Variants in AKAP12 observed in about 807,000 individuals in gnomAD.
The protein encoded by AKAP12 is A-kinase anchoring protein 12.
Under a neutral mutation model 79.9 loss-of-function variants are expected in AKAP12, and 32 were observed. The observed-to-expected ratio is 0.40, with a 90% CI of 0.30 to 0.54. AKAP12 has a LOEUF of 0.54. Ranked by LOEUF, AKAP12 falls within the 20% of genes least tolerant of loss-of-function variation. The pLI is 0.48. For missense variants in AKAP12, 2,074 were observed against 2,177.0 expected, an observed-to-expected ratio of 0.95 and a Z score of 0.94; for synonymous variants, 808 against 857.0, an observed-to-expected ratio of 0.94 and a Z score of 1.00.
intron 3 of AKAP12, among the ~76,000 whole-genome samples, chr6:151,327,568 TATTCA>T (rs1777562329): frequency 6.6e-6 from 1 of 152,224 alleles, no homozygotes; most frequent in African/African-American, 2.4e-5. Context: ...TTATATTCAC[TATTCA>T]ATTAGTCGCA....
At chr6:151,272,001 T>G (rs1296461520) in intron 2 of AKAP12, among the ~76,000 whole-genome samples, 2 of 152,126 alleles carry the variant, frequency 1.3e-5, no homozygotes, top group East Asian at 3.9e-4. Flanking sequence ...GAGTTCGTAT[T>G]CAAACTTCCT....
intron 3 of AKAP12, among the ~76,000 whole-genome samples, chr6:151,318,627 T>C (rs1261362328): frequency 1.3e-5 from 2 of 152,096 alleles, no homozygotes; most frequent in African/African-American, 4.8e-5. Context: ...TTCTTTGAGC[T>C]CTTTCGGTCT....
intron 2 of AKAP12, among the ~76,000 whole-genome samples, chr6:151,280,793 A>G (rs1250780469): frequency 2.0e-5 from 3 of 151,928 alleles, no homozygotes; most frequent in Non-Finnish European, 4.4e-5. Context: ...GTTGTAGGCC[A>G]TCACGCCCAG....
chr6:151,322,345 G>A (rs1042423252), intron 3 of AKAP12, among the ~76,000 whole-genome samples: 3 of 152,070 alleles, frequency 2.0e-5, no homozygotes, highest in African/African-American at 7.2e-5. Context: ...TTAGAGAAAT[G>A]GCTACTCAGA....
chr6:151,271,324 AC>A (rs1776177031), intron 2 of AKAP12, among the ~76,000 whole-genome samples: 1 of 138,646 alleles, frequency 7.2e-6, no homozygotes. Flanking sequence ...CAACGAAGAA[AC>A]TTTTTTTTTT....
In AKAP12 at chr6:151,358,428, A is replaced by G. The variant is rs1268238260; in HGVS notation, c.*2714A>G. On this transcript the variant is annotated 3_prime_UTR_variant, in exon 5 of 5. Transcript: ENST00000402676. ...TCAAGGGCTGGAAATTTTAGTTTTC[A>G]ATATAAGCTTCCAGCTTAGCAATTA... 1 of 152,242 alleles carries G rather than the reference A, an allele frequency of 6.6e-6. No homozygotes were observed. The highest frequency in any genetic ancestry group is 1.5e-5 in the Non-Finnish European group (1 of 68,040). 9.4% of individuals were successfully genotyped at this position (152,242 alleles called of 1,614,324 possible).
At position 151,349,580 on chromosome 6, in the gene AKAP12, G is replaced by A; in HGVS notation, c.1189G>A (p.Ala397Thr). ...GCAGGGACCTTCTGAAGAGAAACCT[G>A]CTCCGTTGGCGACAGAAGTGTTTGA... ...GSQGPSEEKP[A>T]PLATEVFDEK... Residue 397 changes from alanine (A) to threonine (T), a missense_variant, in exon 4 of 5, where the codon GCT becomes ACT. Around this residue, in one of 3 missense-constraint regions of AKAP12, gnomAD observed 1,428 missense variants for 1,451.0 expected, o/e 0.98. Coordinates refer to ENST00000402676, the MANE Select transcript of AKAP12 (RefSeq NM_005100.4). 6.2e-7 allele frequency: 1 copy of A among 1,610,974 alleles called. No homozygotes were observed. The highest frequency in any genetic ancestry group is 2.2e-5 in the East Asian group (1 of 44,844).
rs550861405 is a variant in AKAP12, at chr6:151,351,633, C to A, written c.3242C>A (p.Ala1081Asp). Reference sequence around the variant, plus strand: ...GAGGCAGAAAGACCAGAAGAGCAGGCTGAAGCGTCGGGTCTGAAGAAAGAG... The same window carrying A: ...GAGGCAGAAAGACCAGAAGAGCAGGATGAAGCGTCGGGTCTGAAGAAAGAG... ...RAEAERPEEQAEASGLKKETD... is the reference protein window; with the variant it reads ...RAEAERPEEQDEASGLKKETD... Residue 1081 changes from alanine (A) to aspartate (D), a missense_variant, in exon 4 of 5, where the codon GCT (alanine) becomes GAT (aspartate). Transcript: ENST00000402676. This position sits in a 1 kb window ranked among gnomAD's most constrained non-coding sequence, Gnocchi z 4.4. The A allele has an allele frequency of 8.7e-5, 140 of 1,614,144 alleles. 1 individual carries two copies. In the South Asian group the frequency reaches 1.4e-3, roughly 16 times the overall value.
intron 2 of AKAP12, among the ~76,000 whole-genome samples, chr6:151,262,744 T>C (rs1482558011): frequency 3.3e-5 from 5 of 152,134 alleles, no homozygotes; most frequent in Non-Finnish European, 7.4e-5. Context: ...AAGAAGAAAA[T>C]TCCTAAAGCT....
At chr6:151,318,635 T>C (rs1777290019) in intron 3 of AKAP12, among the ~76,000 whole-genome samples, 1 of 152,154 alleles carries the variant, frequency 6.6e-6, no homozygotes. Flanking sequence ...GCTCTTTCGG[T>C]CTAGAAACTC....
rs71922297 is a variant in AKAP12 at position 151,327,118 on chromosome 6, A to ATTTT, written c.319+21228_319+21231dup. On this transcript the variant is annotated intron_variant, in intron 3 of 4. Transcript: ENST00000402676. ...ACGTGAGCCACCGCACCTGGCCTACATTTTTTTTTTTTTTTTAATCAACTG... is the reference window on the plus strand; with the variant it reads ...ACGTGAGCCACCGCACCTGGCCTACATTTTTTTTTTTTTTTTTTTTAATCAACTG... Among the ~76,000 whole-genome samples, 1,287 of 141,032 alleles carry ATTTT rather than the reference A, an allele frequency of 9.1e-3. 12 individuals are homozygous for ATTTT. Among genetic ancestry groups the ATTTT allele is most frequent in the African/African-American group, 0.018 (686 of 38,682 alleles). 92.5% of individuals were successfully genotyped at this position (141,032 alleles called of 152,430 possible).
rs1001332712 is a variant in AKAP12, at chr6:151,351,525, C to T, written c.3134C>T (p.Ala1045Val). The change falls in exon 4 of 5, where the codon GCA becomes GTA. Residue 1045 changes from alanine (A) to valine (V), a missense_variant. By Grantham distance (64) the Ala-to-Val change is moderately conservative. Transcript: ENST00000402676. This position sits in a 1 kb window ranked among gnomAD's most constrained non-coding sequence, Gnocchi z 4.4. Reference protein sequence around the residue: ...QERRTQEVLQAVAEKVKEESQ... With the variant: ...QERRTQEVLQVVAEKVKEESQ... ...AGGCGGACTCAAGAGGTCCTCCAGGCAGTGGCAGAAAAAGTGAAAGAGGAA... is the reference window on the plus strand; with the variant it reads ...AGGCGGACTCAAGAGGTCCTCCAGGTAGTGGCAGAAAAAGTGAAAGAGGAA... The T allele has an allele frequency of 1.2e-6, 2 of 1,614,106 alleles. No homozygotes were observed. Among genetic ancestry groups the T allele is most frequent in the Admixed American group, 3.3e-5 (2 of 60,016 alleles).
In AKAP12 at chr6:151,352,562, A is replaced by T; in HGVS notation, c.4171A>T (p.Ser1391Cys). The T allele has an allele frequency of 6.2e-7, 1 of 1,614,218 alleles. No homozygotes were observed. The highest frequency in any genetic ancestry group is 8.5e-7 in the Non-Finnish European group (1 of 1,180,040). Residue 1391 changes from serine (S) to cysteine (C), a missense_variant, in exon 4 of 5, where the codon AGT becomes TGT. Transcript: ENST00000402676. ...CATAGATGGGGCAAAGGAAGTCAGCAGTTTGGAAGGAAGCCCTCCTCCCTG... is the reference window on the plus strand; with the variant it reads ...CATAGATGGGGCAAAGGAAGTCAGCTGTTTGGAAGGAAGCCCTCCTCCCTG... ...PIIDGAKEVS[S>C]LEGSPPPCLG...
At chr6:151,305,929 A>G (rs1776969123) in intron 3 of AKAP12, 26 bp downstream of exon 3, 1 of 1,583,016 alleles carries the variant, frequency 6.3e-7, no homozygotes, top group African/African-American at 1.3e-5. Flanking sequence ...AGGAACTGGA[A>G]GGCACACAGC....
intron 3 of AKAP12, among the ~76,000 whole-genome samples, chr6:151,319,018 T>C (rs1777299649): frequency 1.3e-5 from 2 of 152,210 alleles, no homozygotes; most frequent in African/African-American, 4.8e-5. Context: ...ATTTGGTCTA[T>C]TTCATAGAGT....
At chr6:151,302,777 A>C (rs980725814) in intron 2 of AKAP12, among the ~76,000 whole-genome samples, 4 of 152,176 alleles carry the variant, frequency 2.6e-5, no homozygotes, top group African/African-American at 9.7e-5. Flanking sequence ...TCTAGGTTTA[A>C]GATTCACTGG....
intron 2 of AKAP12, among the ~76,000 whole-genome samples, chr6:151,300,151 A>G (rs1776829476): frequency 6.6e-6 from 1 of 152,150 alleles, no homozygotes; most frequent in South Asian, 2.1e-4. Flanking sequence ...TGAAGGAGAA[A>G]ACACAATGAA....
At chr6:151,281,639 T>C (rs189137670) in intron 2 of AKAP12, among the ~76,000 whole-genome samples, 14 of 152,318 alleles carry the variant, frequency 9.2e-5, no homozygotes, top group Admixed American at 8.5e-4. Flanking sequence ...GGGCATTCTA[T>C]GTGAGGCTAG....
Position 151,353,653 on chromosome 6 carries a change from A to C in AKAP12, c.5262A>C (p.Glu1754Asp), listed in dbSNP as rs561845205. 1.9e-6 allele frequency: 3 copies of C among 1,614,182 alleles called. No individual in the cohort carries two copies. The highest frequency in any genetic ancestry group is 2.5e-6 in the Non-Finnish European group (3 of 1,180,020). Residue 1754 changes from glutamate (E) to aspartate (D), a missense_variant, in exon 4 of 5, where the codon GAA (glutamate) becomes GAC (aspartate). This residue lies in a region of AKAP12 where 614 missense variants were observed against 665.6 expected (regional missense o/e 0.92). Coordinates refer to ENST00000402676, the MANE Select transcript of AKAP12 (RefSeq NM_005100.4). ...TGCAGGAAGGAAAAGTGCACAGTGA[A>C]TCAGATAAAGCGATCACACCCCAAG... is the stretch of plus-strand genomic sequence containing the variant. ...VELQEGKVHS[E>D]SDKAITPQAQ...
Sources: gnomAD v4.1 joint callset for allele counts (sites outside exome capture counted in the v4.1 genomes callset) on GRCh38, gnomAD v4.1.1 for gene constraint, gnomAD v4.1.1 regional missense constraint, Gnocchi (gnomAD v3.1) non-coding constraint, MANE v1.5 for transcripts, NCBI Gene and HGNC (gene_info 2026-07-23, HGNC 2026-07-21) for gene names.